The following MIA3 variants were observed in gnomAD, a reference collection of about 807,000 sequenced individuals.
The protein encoded by MIA3 is MIA SH3 domain ER export factor 3.
A neutral mutation model predicts 192.4 loss-of-function variants in MIA3; 90 were observed. That is an observed-to-expected ratio of 0.47 (90% confidence interval 0.39 to 0.56). MIA3 has a LOEUF of 0.56. MIA3 is among the 20% of genes least tolerant of loss of function. The pLI is 0.00. For synonymous variants in MIA3, 740 were observed against 792.8 expected (o/e 0.93, Z 1.12); for missense variants, 2,123 against 2,269.4 (o/e 0.94, Z 1.31).
chr1:222,661,879 CA>C (rs1191253993), intron 24 of MIA3, among the ~76,000 whole-genome samples, 176 bp from the exon 25 acceptor site: 1 of 152,162 alleles, frequency 6.6e-6, no homozygotes, highest in Non-Finnish European at 1.5e-5. Flanking sequence ...CAGTGCAAGG[CA>C]GTTCTTATTT....
intron 23 of MIA3, 49 bp downstream of exon 23, chr1:222,660,055 A>T: frequency 6.3e-7 from 1 of 1,588,422 alleles, no homozygotes; most frequent in Non-Finnish European, 8.6e-7. Context: ...TTGATGTAAA[A>T]TGTATATAAG....
chr1:222,629,215 C>T lies in MIA3; in HGVS notation c.1995C>T (p.Ala665=). 6.2e-7 allele frequency: 1 copy of T among 1,614,152 alleles called. No homozygotes were observed. Among genetic ancestry groups the T allele is most frequent in the South Asian group, 1.1e-5 (1 of 91,082 alleles). ...GGCAACAAGAAAGAGATGTGGCTGC[C>T]ACAGCCAGTAAGCAAATGAGTGAGA... ...LPWQQERDVA[A]TASKQMSEKI... Residue 665 remains alanine, a synonymous_variant, in exon 4 of 28, where the codon GCC becomes GCT. Transcript: ENST00000344922.
intron 6 of MIA3, among the ~76,000 whole-genome samples, chr1:222,634,047 G>T (rs945641803): frequency 6.6e-6 from 1 of 152,104 alleles, no homozygotes; most frequent in South Asian, 2.1e-4. Context: ...TTGTGATGTT[G>T]CCCAGGTTGG....
intron 8 of MIA3, 59 bp from the exon 9 acceptor site, chr1:222,650,233 T>G: frequency 3.3e-6 from 3 of 919,728 alleles, no homozygotes; most frequent in African/African-American, 1.6e-5. Flanking sequence ...GCTGATACAT[T>G]GGGTAATTCA....
intron 26 of MIA3, among the ~76,000 whole-genome samples, chr1:222,663,400 A>G (rs141442444): frequency 1.3e-5 from 2 of 152,278 alleles, no homozygotes; most frequent in Non-Finnish European, 2.9e-5. Flanking sequence ...GTGGCCTTGG[A>G]GTCAAACCTG....
chr1:222,644,636 G>A (rs1663045808), intron 6 of MIA3: 1 of 1,543,724 alleles, frequency 6.5e-7, no homozygotes, highest in African/African-American at 1.4e-5. Flanking sequence ...CAGGCGGGTG[G>A]ATGAGTTCTA....
At chr1:222,641,514 G>C in intron 6 of MIA3, 2 of 496,656 alleles carry the variant, frequency 4.0e-6, no homozygotes. Flanking sequence ...TGGAGAGCTG[G>C]TGGATTTTCT....
rs1304843078 is a variant in MIA3, at chr1:222,630,918, G to A, written c.3169+529G>A. 2.6e-4 allele frequency among the ~76,000 whole-genome samples: 39 copies of A among 152,076 alleles called. 1 individual carries two copies. Among genetic ancestry groups the A allele is most frequent in the Admixed American group, 2.5e-3 (38 of 15,270 alleles). On this transcript the variant is annotated intron_variant, in intron 4 of 27. Coordinates refer to ENST00000344922, the MANE Select transcript of MIA3 (RefSeq NM_198551.4). ...CTTGCATGCAGATTAATCAAGATTG[G>A]GACAGGGATGCCTTCGAATGCAGTG... is the stretch of plus-strand genomic sequence containing the variant.
chr1:222,632,211 A>G lies in MIA3; in HGVS notation c.3216A>G (p.Ala1072=). 2 of 1,614,200 alleles carry G rather than the reference A, an allele frequency of 1.2e-6. No individual in the cohort carries two copies. Among genetic ancestry groups the G allele is most frequent in the Non-Finnish European group, 1.7e-6 (2 of 1,180,024 alleles). ...ATAATTTCTCACGAGAGAAGACAGC[A>G]GAACTTAATGTGCAGGTTCCTGAAG... is the stretch of plus-strand genomic sequence containing the variant. The part of the protein sequence containing the change: ...HEDNFSREKT[A]ELNVQVPEEP... The change falls in exon 5 of 28, where the codon GCA becomes GCG. Residue 1072 remains alanine, a synonymous_variant. Coordinates refer to ENST00000344922, the MANE Select transcript of MIA3 (RefSeq NM_198551.4).
intron 18 of MIA3, 37 bp from the exon 19 acceptor site, chr1:222,658,685 A>G: frequency 6.8e-7 from 1 of 1,479,508 alleles, no homozygotes; most frequent in South Asian, 1.2e-5. Context: ...CAGGAGGAAA[A>G]GAGAAACACT....
At chr1:222,657,221 C>T (rs373965039) in intron 18 of MIA3, among the ~76,000 whole-genome samples, 1 of 152,148 alleles carries the variant, frequency 6.6e-6, no homozygotes, top group East Asian at 1.9e-4. Flanking sequence ...TGGCTTAGTT[C>T]CTTTAAAGGA....
At chr1:222,636,297 C>T (rs1386423712) in intron 6 of MIA3, among the ~76,000 whole-genome samples, 1 of 152,120 alleles carries the variant, frequency 6.6e-6, no homozygotes, top group Non-Finnish European at 1.5e-5. Context: ...TGTGTCAGTT[C>T]ACTCTGACTA....
Position 222,665,879 on chromosome 1 carries a change from T to C in MIA3, c.*260T>C. 6.1e-6 allele frequency: 2 copies of C among 330,300 alleles called. No individual in the cohort carries two copies. Among genetic ancestry groups the C allele is most frequent in the Non-Finnish European group, 1.1e-5 (2 of 184,758 alleles). The allele number at this position is 330,300 out of a possible 1,614,324, so 20.5% of individuals were successfully genotyped here. A position where few individuals can be genotyped will look rare whatever the true frequency, so the allele number is the denominator to read the frequency against. On this transcript the variant is annotated 3_prime_UTR_variant, in exon 28 of 28. Coordinates refer to ENST00000344922, the MANE Select transcript of MIA3 (RefSeq NM_198551.4). Reference sequence around the variant, plus strand: ...AAGAATACCTGTGTTTTAGCTAATGTAGCATATGTAATTGCAAAATGATTT... The same window carrying C: ...AAGAATACCTGTGTTTTAGCTAATGCAGCATATGTAATTGCAAAATGATTT...
intron 7 of MIA3, 159 bp downstream of exon 7, chr1:222,645,844 A>ATTATTTTTTTTTTTTTTTTTTTT: frequency 1.6e-6 from 1 of 630,282 alleles, no homozygotes; most frequent in East Asian, 4.0e-5. Flanking sequence ...GTGTTGGTAA[A>ATTATTTTTTTTTTTTTTTTTTTT]TTCTTAAGTG....
intron 6 of MIA3, among the ~76,000 whole-genome samples, chr1:222,634,818 A>C (rs1012206260): frequency 1.3e-4 from 20 of 152,194 alleles, no homozygotes; most frequent in African/African-American, 4.6e-4. Context: ...AGCCAAGATG[A>C]TTTTATTTCA....
Position 222,644,276 on chromosome 1 carries a change from T to G in MIA3, c.3478-1278T>G. 4.3e-6 allele frequency: 6 copies of G among 1,387,444 alleles called. No homozygotes were observed. In the South Asian group the frequency reaches 5.9e-5, roughly 14 times the overall value. The allele number at this position is 1,387,444 out of a possible 1,614,324, so 85.9% of individuals were successfully genotyped here. A position where few individuals can be genotyped will look rare whatever the true frequency, so the allele number is the denominator to read the frequency against. On this transcript the variant is annotated intron_variant, in intron 6 of 27. Coordinates refer to ENST00000344922, the MANE Select transcript of MIA3 (RefSeq NM_198551.4). ...TCGCCGGCCGGCTCCTTTGGTGCCT[T>G]GAGGTGCGCCAGGGGCAGTGGCTGA...
At position 222,665,188 on chromosome 1, in the gene MIA3, C is replaced by T. The variant is rs771880245; in HGVS notation, c.5414-121C>T. ...ACTCCAGCCCATGTGACAGGCAAGA[C>T]CCTGCCGCCAAAAAAAAAAAAAAAA... On this transcript the variant is annotated intron_variant, in intron 27 of 27. Transcript: ENST00000344922. 6.0e-4 allele frequency: 455 copies of T among 756,822 alleles called. 2 individuals are homozygous for T. Among genetic ancestry groups the T allele is most frequent in the Non-Finnish European group, 8.8e-4 (417 of 474,038 alleles). The allele number at this position is 756,822 out of a possible 1,614,324, so 46.9% of individuals were successfully genotyped here. A position where few individuals can be genotyped will look rare whatever the true frequency, so the allele number is the denominator to read the frequency against.
Position 222,627,756 on chromosome 1 carries a change from C to T in MIA3, c.536C>T (p.Pro179Leu), listed in dbSNP as rs780066537. The T allele has an allele frequency of 1.9e-6, 3 of 1,612,710 alleles. No individual in the cohort carries two copies. In the African/African-American group the frequency reaches 4.0e-5, roughly 22 times the overall value. ...TTATCTAAGGAAAGGGAACCTGAAC[C>T]TGAACCAGTAGAAGCCAACTCAGAG... ...PELSKEREPE[P>L]EPVEANSEES... is the part of the protein sequence containing the mutation. Residue 179 changes from proline to leucine, a missense_variant, in exon 4 of 28, where the codon CCT becomes CTT. Around this residue, in one of 3 missense-constraint regions of MIA3, gnomAD observed 1,357 missense variants for 1,396.1 expected, o/e 0.97. Transcript: ENST00000344922.
rs536584013 is a variant in MIA3, at chr1:222,650,651, A to C, written c.3738A>C (p.Lys1246Asn). 3.1e-6 allele frequency: 5 copies of C among 1,592,442 alleles called. No homozygotes were observed. The South Asian group carries it at 5.7e-5, about 18-fold the overall frequency. The change falls in exon 10 of 28, where the codon AAA becomes AAC. Residue 1246 changes from lysine to asparagine, a missense_variant. By Grantham distance (94) the Lys-to-Asn change is moderately conservative. This residue lies in a region of MIA3 where 762 missense variants were observed against 856.4 expected (regional missense o/e 0.89). Coordinates refer to ENST00000344922, the MANE Select transcript of MIA3 (RefSeq NM_198551.4). The stretch of plus-strand genomic sequence containing the variant: ...TTATATAGATCAAGGAATCAAAGAA[A>C]CATGTTCAGGAAACCAGGAAACAAA... ...NYEQKIKESK[K>N]HVQETRKQNM... is the part of the protein sequence containing the mutation.
Sources: gnomAD v4.1 joint callset for allele counts (sites outside exome capture counted in the v4.1 genomes callset) on GRCh38, gnomAD v4.1.1 for gene constraint, gnomAD v4.1.1 regional missense constraint, MANE v1.5 for transcripts, NCBI Gene and HGNC (gene_info 2026-07-23, HGNC 2026-07-21) for gene names.